Variants in SLC24A2 observed in about 807,000 individuals in gnomAD.
The protein encoded by SLC24A2 is sodium/potassium/calcium exchanger 2.
Under a neutral mutation model 62.0 loss-of-function variants are expected in SLC24A2, and 36 were observed. The ratio of observed to expected loss-of-function variants is 0.58; its 90% confidence interval spans 0.44 to 0.77. The LOEUF (loss-of-function observed/expected upper bound fraction) is 0.77, where lower values mean the gene tolerates loss of function less well. Ranked by LOEUF, SLC24A2 falls within the 30% of genes least tolerant of loss-of-function variation. The pLI is 0.00. For missense variants in SLC24A2, 846 were observed against 817.9 expected, an observed-to-expected ratio of 1.03 and a Z score of -0.42; for synonymous variants, 358 against 294.0, an observed-to-expected ratio of 1.22 and a Z score of -2.23.
intron 2 of SLC24A2, among the ~76,000 whole-genome samples, chr9:19,670,562 T>C (rs950792984): frequency 6.6e-6 from 1 of 152,232 alleles, no homozygotes; most frequent in Non-Finnish European, 1.5e-5. Flanking sequence ...ATTTCATTGC[T>C]ATTATTATTC....
chr9:19,643,957 C>T (rs915634054), intron 2 of SLC24A2, among the ~76,000 whole-genome samples: 1 of 152,196 alleles, frequency 6.6e-6, no homozygotes, highest in Non-Finnish European at 1.5e-5. Context: ...ATTGAGATCA[C>T]TTTGAAATTT....
At chr9:20,022,501 G>C in the SLC24A2 span, among the ~76,000 whole-genome samples, 1 of 152,190 alleles carries the variant, frequency 6.6e-6, no homozygotes, top group Non-Finnish European at 1.5e-5. Context: ...GAGGGTCACA[G>C]GCCATGTGCT....
At chr9:19,774,083 T>C (rs1433933513) in intron 2 of SLC24A2, among the ~76,000 whole-genome samples, 2 of 151,934 alleles carry the variant, frequency 1.3e-5, no homozygotes, top group Admixed American at 6.6e-5. Flanking sequence ...GGCCCTGAAA[T>C]GGCAATAGGA....
intron 7 of SLC24A2, among the ~76,000 whole-genome samples, chr9:19,557,534 C>T (rs1233876200): frequency 6.6e-6 from 1 of 152,154 alleles, no homozygotes; most frequent in African/African-American, 2.4e-5. Context: ...TGTGTAATTA[C>T]CCTGTAGTGG....
At chr9:19,914,358 G>A in the SLC24A2 span, among the ~76,000 whole-genome samples, 17 of 121,126 alleles carry the variant, frequency 1.4e-4, no homozygotes, top group Admixed American at 8.6e-4. Flanking sequence ...CCATTATCAC[G>A]AAAATAAAAC....
At chr9:20,127,419 G>T in the SLC24A2 span, among the ~76,000 whole-genome samples, 11 of 152,080 alleles carry the variant, frequency 7.2e-5, no homozygotes, top group East Asian at 2.1e-3. Flanking sequence ...ACAATGGAGA[G>T]AATTCTTTAA....
chr9:19,551,798 A>G (rs1443733125), intron 7 of SLC24A2, among the ~76,000 whole-genome samples: 3 of 152,122 alleles, frequency 2.0e-5, no homozygotes, highest in Non-Finnish European at 2.9e-5. Context: ...TGTCTTGTTT[A>G]TTTATCTGGC....
At chr9:20,207,686 T>C in the SLC24A2 span, among the ~76,000 whole-genome samples, 1 of 152,246 alleles carries the variant, frequency 6.6e-6, no homozygotes, top group Non-Finnish European at 1.5e-5. Context: ...AAATGCTTTA[T>C]ATCCATGATG....
the SLC24A2 span, among the ~76,000 whole-genome samples, chr9:20,166,148 G>A: frequency 3.3e-5 from 5 of 151,892 alleles, no homozygotes; most frequent in African/African-American, 9.7e-5. Flanking sequence ...AAAGCTCTGG[G>A]GAAACAAGCA....
intron 2 of SLC24A2, among the ~76,000 whole-genome samples, chr9:19,776,048 T>C (rs1475256740): frequency 6.6e-6 from 1 of 152,230 alleles, no homozygotes; most frequent in Non-Finnish European, 1.5e-5. Flanking sequence ...TTAGATTTTA[T>C]CTTTATATGG....
Position 19,618,333 on chromosome 9 carries a change from T to C in SLC24A2, c.1078+1251A>G, listed in dbSNP as rs1020192182. On this transcript the variant is annotated intron_variant, in intron 4 of 10. Transcript: ENST00000341998. ...CTTGTCAAATGGACCTCCGTGTAGA[T>C]AGAGTAATGATATTTAGGATGTCCC... 3.9e-5 allele frequency among the ~76,000 whole-genome samples: 6 copies of C among 152,238 alleles called. No individual in the cohort carries two copies. The South Asian group carries it at 6.2e-4, about 16-fold the overall frequency.
intron 4 of SLC24A2, among the ~76,000 whole-genome samples, chr9:19,601,429 T>C (rs965222351): frequency 2.0e-5 from 3 of 152,192 alleles, no homozygotes; most frequent in Non-Finnish European, 4.4e-5. Context: ...GAAGCTTTGT[T>C]CTTTTGCTTT....
the SLC24A2 span, among the ~76,000 whole-genome samples, chr9:19,910,403 C>T: frequency 0.013 from 1,970 of 152,254 alleles, 47 homozygotes; most frequent in African/African-American, 0.045. Flanking sequence ...AACTGGCCTT[C>T]CTGCCTCTAG....
the SLC24A2 span, among the ~76,000 whole-genome samples, chr9:20,077,521 C>T: frequency 6.6e-6 from 1 of 151,960 alleles, no homozygotes; most frequent in Non-Finnish European, 1.5e-5. Flanking sequence ...GTGTGGGGCC[C>T]CTTCTTTAGT....
chr9:19,909,971 C>A, the SLC24A2 span, among the ~76,000 whole-genome samples: 48 of 152,254 alleles, frequency 3.2e-4, no homozygotes, highest in African/African-American at 1.2e-3. Flanking sequence ...CTTCCACTGG[C>A]CCTTCCATAT....
the SLC24A2 span, among the ~76,000 whole-genome samples, chr9:20,148,006 T>C: frequency 6.6e-6 from 1 of 152,110 alleles, no homozygotes; most frequent in Non-Finnish European, 1.5e-5. Flanking sequence ...TCACTTTCTA[T>C]AATCAGTCTA....
chr9:20,243,595 C>G, the SLC24A2 span, among the ~76,000 whole-genome samples: 1 of 152,188 alleles, frequency 6.6e-6, no homozygotes, highest in South Asian at 2.1e-4. Context: ...GACACACACA[C>G]TTACATGTAC....
chr9:20,242,195 T>A, the SLC24A2 span, among the ~76,000 whole-genome samples: 1 of 152,186 alleles, frequency 6.6e-6, no homozygotes, highest in Non-Finnish European at 1.5e-5. Flanking sequence ...CTCCTTTGCC[T>A]CAGTCTACCA....
At chr9:19,748,725 C>G (rs1821904117) in intron 2 of SLC24A2, among the ~76,000 whole-genome samples, 1 of 151,794 alleles carries the variant, frequency 6.6e-6, no homozygotes, top group Non-Finnish European at 1.5e-5. Context: ...AACAACACAG[C>G]TAAAGACATC....
Sources: allele counts gnomAD v4.1 joint callset (sites outside exome capture counted in the v4.1 genomes callset), GRCh38; gene constraint gnomAD v4.1.1; transcripts MANE v1.5; gene names NCBI Gene and HGNC (gene_info 2026-07-23, HGNC 2026-07-21).